Variants in GCNT2 observed in about 807,000 individuals in gnomAD.
The protein encoded by GCNT2 is glucosaminyl (N-acetyl) transferase 2 (I blood group), also known as N-acetyllactosaminide beta-1,6-N-acetylglucosaminyl-transferase.
A neutral mutation model predicts 34.2 loss-of-function variants in GCNT2; 34 were observed. The ratio of observed to expected loss-of-function variants is 1.00; its 90% CI spans 0.76 to 1.32. The LOEUF is 1.32. GCNT2 is among the 40% of genes most tolerant of loss of function. The probability of loss-of-function intolerance (pLI) is 0.00; values close to 1 mark genes in which losing one functional copy is unlikely to be tolerated. For synonymous variants in GCNT2, 212 were observed against 188.0 expected (o/e 1.13, Z -1.04); for missense variants, 584 against 489.4 (o/e 1.19, Z -1.82).
Position 10,529,407 on chromosome 6 carries a change from A to C in GCNT2, c.496A>C (p.Arg166=). The part of the protein sequence containing the change: ...KESVVYGGIS[R]LQADLNCLED... The stretch of plus-strand genomic sequence containing the variant: ...GTCGGTTGTCTATGGGGGGATCTCC[A>C]GGCTCCAGGCTGACCTGAACTGCCT... Residue 166 remains arginine (R), a synonymous_variant, in exon 3 of 5, where the codon AGG becomes CGG. Coordinates refer to ENST00000495262, the MANE Select transcript of GCNT2 (RefSeq NM_145649.5). 3.7e-6 allele frequency: 6 copies of C among 1,614,136 alleles called. No individual in the cohort carries two copies. The highest frequency in any genetic ancestry group is 5.1e-6 in the Non-Finnish European group (6 of 1,180,030).
At chr6:10,564,178 T>C (rs1461957446) in intron 3 of GCNT2, among the ~76,000 whole-genome samples, 1 of 152,122 alleles carries the variant, frequency 6.6e-6, no homozygotes, top group Non-Finnish European at 1.5e-5. Context: ...CAGTTGAATC[T>C]CCACAAGAAT....
chr6:10,576,922 A>G (rs780872242), intron 3 of GCNT2, among the ~76,000 whole-genome samples: 3 of 143,902 alleles, frequency 2.1e-5, no homozygotes, highest in East Asian at 3.9e-4. Context: ...AATAATAACA[A>G]TAATAATAAT....
intron 3 of GCNT2, chr6:10,575,008 A>G (rs1229146570): frequency 2.9e-6 from 2 of 686,832 alleles, no homozygotes; most frequent in Non-Finnish European, 2.7e-6. Context: ...GTTTACAACA[A>G]TGCCAACGGC....
intron 3 of GCNT2, chr6:10,556,428 C>T (rs1762705442): frequency 6.2e-7 from 1 of 1,613,822 alleles, no homozygotes; most frequent in Middle Eastern, 1.7e-4. Flanking sequence ...TGAGGCATGC[C>T]TTTATCAATG....
intron 3 of GCNT2, among the ~76,000 whole-genome samples, chr6:10,582,850 C>T (rs1764183395): frequency 6.6e-6 from 1 of 151,922 alleles, no homozygotes; most frequent in South Asian, 2.1e-4. Context: ...GAACATCTAC[C>T]AGGTGCCCGG....
At chr6:10,579,065 T>C (rs1209975680) in intron 3 of GCNT2, among the ~76,000 whole-genome samples, 1 of 152,216 alleles carries the variant, frequency 6.6e-6, no homozygotes, top group African/African-American at 2.4e-5. Flanking sequence ...TTCTCTGATC[T>C]CTAGTGTGAG....
intron 3 of GCNT2, among the ~76,000 whole-genome samples, chr6:10,615,648 T>A (rs912864194): frequency 2.6e-5 from 4 of 152,266 alleles, no homozygotes; most frequent in Non-Finnish European, 2.9e-5. Flanking sequence ...GAGTCTTCAG[T>A]GCAAAGTGAA....
chr6:10,551,842 C>CT (rs1762495697), intron 3 of GCNT2, among the ~76,000 whole-genome samples: 1 of 152,092 alleles, frequency 6.6e-6, no homozygotes, highest in Non-Finnish European at 1.5e-5. Flanking sequence ...ACTGCAACCT[C>CT]TGTCTCCCAG....
intron 3 of GCNT2, among the ~76,000 whole-genome samples, chr6:10,565,793 C>G (rs1013194596): frequency 1.3e-5 from 2 of 152,042 alleles, no homozygotes; most frequent in African/African-American, 4.8e-5. Flanking sequence ...CGTCGTCTAC[C>G]CTTCTTCTTT....
chr6:10,572,591 G>A (rs1015175279), intron 3 of GCNT2, among the ~76,000 whole-genome samples: 7 of 152,076 alleles, frequency 4.6e-5, no homozygotes, highest in African/African-American at 1.4e-4. Context: ...AAAATTAGCC[G>A]GACCTAGTGG....
At chr6:10,603,732 C>G (rs1249992524) in intron 3 of GCNT2, among the ~76,000 whole-genome samples, 1 of 150,470 alleles carries the variant, frequency 6.6e-6, no homozygotes, top group Non-Finnish European at 1.5e-5. Context: ...CCAGGCTGGT[C>G]TTGAACTCCT....
intron 3 of GCNT2, among the ~76,000 whole-genome samples, chr6:10,569,755 G>A (rs568594910): frequency 6.6e-6 from 1 of 152,266 alleles, no homozygotes; most frequent in Non-Finnish European, 1.5e-5. Context: ...CCATTTCTCA[G>A]TGTAGTTTTT....
intron 3 of GCNT2, among the ~76,000 whole-genome samples, chr6:10,589,323 G>T (rs1361516976): frequency 8.4e-6 from 1 of 118,676 alleles, no homozygotes. Flanking sequence ...TTGTAGTGTG[G>T]TGTGTTTGTA....
chr6:10,541,259 G>A (rs1399039748), intron 3 of GCNT2, among the ~76,000 whole-genome samples: 1 of 152,146 alleles, frequency 6.6e-6, no homozygotes, highest in East Asian at 1.9e-4. Context: ...GAGAACATGC[G>A]GTGTTTGGGT....
At chr6:10,622,742 C>CTTTTTTTT (rs36097125) in intron 4 of GCNT2, among the ~76,000 whole-genome samples, 2 of 74,472 alleles carry the variant, frequency 2.7e-5, no homozygotes, top group Non-Finnish European at 2.6e-5. Context: ...CTCAGTCCAT[C>CTTTTTTTT]TTTTTTTTTT....
At chr6:10,531,322 A>G (rs1224520854) in intron 3 of GCNT2, among the ~76,000 whole-genome samples, 1 of 152,224 alleles carries the variant, frequency 6.6e-6, no homozygotes. Context: ...GTTCAATTCA[A>G]AATAAGAATT....
chr6:10,552,992 ACTCT>A (rs1762547834), intron 3 of GCNT2, among the ~76,000 whole-genome samples: 1 of 151,454 alleles, frequency 6.6e-6, no homozygotes, highest in Non-Finnish European at 1.5e-5. Flanking sequence ...ACTTTAACAA[ACTCT>A]CTCTGAGCCA....
Position 10,578,295 on chromosome 6 carries a change from C to T in GCNT2, c.926-43056C>T, listed in dbSNP as rs554770851. Among the ~76,000 whole-genome samples, 445 of 150,590 alleles carry T rather than the reference C, an allele frequency of 3.0e-3. 4 individuals carry two copies. Among genetic ancestry groups the T allele is most frequent in the African/African-American group, 9.1e-3 (375 of 41,046 alleles). ...ACTCTGGAGTCTGAGGCAGGAGAAT[C>T]GCTTGAATCCAGGAGGCGAAGGTTG... On this transcript the variant is annotated intron_variant, in intron 3 of 4. Coordinates refer to ENST00000495262, the MANE Select transcript of GCNT2 (RefSeq NM_145649.5).
chr6:10,532,608 AC>A (rs1761548226), intron 3 of GCNT2, among the ~76,000 whole-genome samples: 1 of 152,104 alleles, frequency 6.6e-6, no homozygotes, highest in Non-Finnish European at 1.5e-5. Flanking sequence ...AGAGGCTGGG[AC>A]TACAGGCATG....
Sources: allele counts gnomAD v4.1 joint callset (sites outside exome capture counted in the v4.1 genomes callset), GRCh38; gene constraint gnomAD v4.1.1; transcripts MANE v1.5; gene names NCBI Gene and HGNC (gene_info 2026-07-23, HGNC 2026-07-21).